SFMBT2: variants seen among roughly 807,000 people sequenced by gnomAD.
The protein encoded by SFMBT2 is scm-like with four MBT domains protein 2.
A neutral mutation model predicts 110.1 loss-of-function variants in SFMBT2; 38 were observed. That is an observed-to-expected ratio of 0.35 (90% CI 0.27 to 0.45). The LOEUF is 0.45. Ranked by LOEUF, SFMBT2 falls within the 20% of genes least tolerant of loss-of-function variation. The pLI, the probability that SFMBT2 is intolerant of heterozygous loss-of-function variation, is 1.00. For missense variants in SFMBT2, 1,011 were observed against 1,094.9 expected (o/e 0.92, Z 1.08); for synonymous variants, 425 against 425.4 (o/e 1.00, Z 0.01).
At chr10:7,355,475 A>C (rs1173931204) in intron 4 of SFMBT2, among the ~76,000 whole-genome samples, 1 of 152,198 alleles carries the variant, frequency 6.6e-6, no homozygotes, top group Non-Finnish European at 1.5e-5. Context: ...CCAGATTCCC[A>C]TATGTGAGAA....
intron 4 of SFMBT2, among the ~76,000 whole-genome samples, chr10:7,366,622 G>T (rs1192323135): frequency 6.6e-6 from 1 of 152,196 alleles, no homozygotes; most frequent in African/African-American, 2.4e-5. Context: ...GAGCCTGCAA[G>T]TATCGCTGCT....
chr10:7,294,175 GCT>G (rs1399085488), intron 4 of SFMBT2, among the ~76,000 whole-genome samples: 5 of 152,114 alleles, frequency 3.3e-5, no homozygotes, highest in African/African-American at 9.7e-5. Context: ...TAATATCATG[GCT>G]GTTTTCTATG....
At chr10:7,227,488 A>C (rs762625070) in intron 10 of SFMBT2, among the ~76,000 whole-genome samples, 2 of 152,220 alleles carry the variant, frequency 1.3e-5, no homozygotes, top group Non-Finnish European at 2.9e-5. Flanking sequence ...ATCAGGCTGC[A>C]GTATTTAGAA....
At chr10:7,221,206 G>C (rs1039137330) in intron 10 of SFMBT2, among the ~76,000 whole-genome samples, 1 of 152,102 alleles carries the variant, frequency 6.6e-6, no homozygotes, top group Admixed American at 6.5e-5. Context: ...GTTCAAGTGG[G>C]AACACGGAAT....
Position 7,381,941 on chromosome 10 carries a change from A to G in SFMBT2, c.-43T>C. 1 of 1,530,500 alleles carries G rather than the reference A, an allele frequency of 6.5e-7. No homozygotes were observed. The highest frequency in any genetic ancestry group is 8.8e-7 in the Non-Finnish European group (1 of 1,132,548). 94.8% of individuals were successfully genotyped at this position (1,530,500 alleles called of 1,614,324 possible). ...CTCTTCTCTTAATTCATCCTGCAGA[A>G]AAAATTACCTAAGAGCAATCAAAAA... On this transcript the variant is annotated 5_prime_UTR_variant, in exon 2 of 21. Coordinates refer to ENST00000397167, the MANE Select transcript of SFMBT2 (RefSeq NM_001387889.1).
intron 4 of SFMBT2, among the ~76,000 whole-genome samples, chr10:7,318,712 C>G (rs1337072247): frequency 6.6e-6 from 1 of 152,230 alleles, no homozygotes; most frequent in South Asian, 2.1e-4. Flanking sequence ...AATAAAGGTT[C>G]GCGTCTCCGC....
intron 16 of SFMBT2, among the ~76,000 whole-genome samples, chr10:7,187,186 T>G (rs1165121634): frequency 6.6e-6 from 1 of 152,198 alleles, no homozygotes; most frequent in Non-Finnish European, 1.5e-5. Flanking sequence ...GAGCTAAGAT[T>G]TTTGTACTTT....
chr10:7,252,249 T>C (rs904394444), intron 7 of SFMBT2, among the ~76,000 whole-genome samples: 5 of 152,210 alleles, frequency 3.3e-5, no homozygotes, highest in African/African-American at 1.2e-4. Flanking sequence ...CCAGAAGCCC[T>C]GCCCTCTCTG....
At chr10:7,344,927 C>A (rs912949811) in intron 4 of SFMBT2, among the ~76,000 whole-genome samples, 6 of 143,136 alleles carry the variant, frequency 4.2e-5, no homozygotes, top group African/African-American at 1.1e-4. Flanking sequence ...CCACTGCACT[C>A]CAGCCTGGGC....
chr10:7,410,691 C>T (rs951681555), intron 1 of SFMBT2, among the ~76,000 whole-genome samples, 170 bp downstream of exon 1: 8 of 151,996 alleles, frequency 5.3e-5, no homozygotes, highest in Non-Finnish European at 8.8e-5. Flanking sequence ...CAGCCTTCCC[C>T]CACCCGCCAC....
At chr10:7,403,766 C>T (rs1448869696) in intron 1 of SFMBT2, among the ~76,000 whole-genome samples, 1 of 152,240 alleles carries the variant, frequency 6.6e-6, no homozygotes, top group African/African-American at 2.4e-5. Flanking sequence ...CTAGCTCTCT[C>T]TCCTGCTGGC....
intron 11 of SFMBT2, chr10:7,215,685 AG>A: frequency 1.0e-6 from 1 of 985,450 alleles, no homozygotes; most frequent in Non-Finnish European, 1.2e-6. Flanking sequence ...AGTCCGCTGC[AG>A]GTGCCAGAGG....
chr10:7,198,257 CTTT>C (rs1181290565), intron 14 of SFMBT2: 1 of 514,950 alleles, frequency 1.9e-6, no homozygotes, highest in Non-Finnish European at 2.5e-6. Flanking sequence ...TTTTTTACTT[CTTT>C]GACTCTATTG....
Position 7,338,098 on chromosome 10 carries a change from G to A in SFMBT2, c.436+29551C>T, listed in dbSNP as rs1006235900. Among the ~76,000 whole-genome samples the A allele has an allele frequency of 3.7e-4, 57 of 152,176 alleles. 1 individual carries two copies. Among genetic ancestry groups the A allele is most frequent in the Admixed American group, 8.5e-4 (13 of 15,290 alleles). Reference sequence around the variant, plus strand: ...ACCAACAGCTCTCATTGTCTTCCACGGTACAGAAATGACAGTAGCTAAGGG... The same window carrying A: ...ACCAACAGCTCTCATTGTCTTCCACAGTACAGAAATGACAGTAGCTAAGGG... On this transcript the variant is annotated intron_variant, in intron 4 of 20. Transcript: ENST00000397167.
rs566973185 is a variant in SFMBT2, at chr10:7,236,851, T to C, written c.1120+6707A>G. ...CAAAGAAACAAGCCAGACTAGGTTA[T>C]CATATGTGTGAAGCACATTGCTGAG... On this transcript the variant is annotated intron_variant, in intron 9 of 20. Transcript: ENST00000397167. 2.6e-5 allele frequency among the ~76,000 whole-genome samples: 4 copies of C among 152,296 alleles called. No individual in the cohort carries two copies. The South Asian group carries it at 8.3e-4, about 32-fold the overall frequency.
At chr10:7,215,134 T>C (rs559475057) in intron 11 of SFMBT2, among the ~76,000 whole-genome samples, 3 of 152,290 alleles carry the variant, frequency 2.0e-5, no homozygotes, top group Non-Finnish European at 2.9e-5. Flanking sequence ...GGCGTGGTGG[T>C]TCACACCTGT....
chr10:7,326,723 C>T (rs972569827), intron 4 of SFMBT2, among the ~76,000 whole-genome samples: 23 of 152,144 alleles, frequency 1.5e-4, no homozygotes, highest in African/African-American at 4.8e-4. Context: ...GATTAGCCTC[C>T]GTTTTGAGCT....
intron 7 of SFMBT2, among the ~76,000 whole-genome samples, chr10:7,251,071 A>T (rs1372069656): frequency 6.6e-6 from 1 of 152,214 alleles, no homozygotes; most frequent in Non-Finnish European, 1.5e-5. Context: ...ATGTATCTCA[A>T]TTATACTGAT....
At chr10:7,321,687 T>C (rs764211953) in intron 4 of SFMBT2, among the ~76,000 whole-genome samples, 4 of 152,186 alleles carry the variant, frequency 2.6e-5, no homozygotes, top group Non-Finnish European at 5.9e-5. Flanking sequence ...AAATGTCCCA[T>C]TAATACCTCC....
Sources: gnomAD v4.1 joint callset for allele counts (sites outside exome capture counted in the v4.1 genomes callset) on GRCh38, gnomAD v4.1.1 for gene constraint, MANE v1.5 for transcripts, NCBI Gene and HGNC (gene_info 2026-07-23, HGNC 2026-07-21) for gene names.